Variants in RGR observed in about 807,000 individuals in gnomAD.
RGR encodes retinal G protein coupled receptor.
RGR carries 30 observed loss-of-function variants against 28.6 expected under a neutral mutation model. The observed-to-expected ratio is 1.05, with a 90% CI of 0.78 to 1.42. The LOEUF is 1.42. Ranked by LOEUF, RGR falls within the 40% of genes most tolerant of loss-of-function variation. RGR has a pLI of 0.00. For synonymous variants in RGR, 180 were observed against 156.4 expected (o/e 1.15, Z -1.13); for missense variants, 404 against 375.6 (o/e 1.08, Z -0.62).
At chr10:84,251,124 A>G (rs1202339477) in intron 3 of RGR, among the ~76,000 whole-genome samples, 1 of 151,978 alleles carries the variant, frequency 6.6e-6, no homozygotes, top group Admixed American at 6.6e-5. Flanking sequence ...AATCCCAGCT[A>G]CTTGAGAGGC....
At chr10:84,247,860 G>C in intron 2 of RGR, 113 bp downstream of exon 2, 1 of 1,495,016 alleles carries the variant, frequency 6.7e-7, no homozygotes, top group Non-Finnish European at 9.2e-7. Flanking sequence ...AATTGGCCAA[G>C]GGCAGAGGGT....
Position 84,258,558 on chromosome 10 carries a change from T to C in RGR, c.795T>C (p.Tyr265=), listed in dbSNP as rs888488266. Residue 265 remains tyrosine (Y), a synonymous_variant, in exon 7 of 7, where the codon TAT becomes TAC. Coordinates refer to ENST00000652092, the MANE Select transcript of RGR (RefSeq NM_001012720.2). ...TGCCCACGATCAATGCCATCAACTA[T>C]GCCCTGGGCAATGAGATGGTCTGCA... The part of the protein sequence containing the change: ...KMVPTINAIN[Y]ALGNEMVCRG... 5 of 1,614,164 alleles carry C rather than the reference T, an allele frequency of 3.1e-6. No homozygotes were observed. The highest frequency in any genetic ancestry group is 1.1e-5 in the South Asian group (1 of 91,084).
At position 84,259,376 on chromosome 10, in the gene RGR, T is replaced by A. The variant is rs532925891; in HGVS notation, c.*737T>A. ...AAGTGCAGGTTTCTTTTTGATATAC[T>A]GATTTCTTTTCCTTTGGGTAGATAC... On this transcript the variant is annotated 3_prime_UTR_variant, in exon 7 of 7. Coordinates refer to ENST00000652092, the MANE Select transcript of RGR (RefSeq NM_001012720.2). 2 of 152,552 alleles carry A rather than the reference T, an allele frequency of 1.3e-5. No homozygotes were observed. Among genetic ancestry groups the A allele is most frequent in the Non-Finnish European group, 2.9e-5 (2 of 68,294 alleles). The allele number at this position is 152,552 out of a possible 1,614,324, so 9.4% of individuals were successfully genotyped here.
rs752236209 is a variant in RGR at position 84,254,389 on chromosome 10, G to T, written c.576G>T (p.Thr192=). ...ACTTCGCCATGCCCCTCTTCATCACGATCACTTCCTACAGTCTCATGGAGC... is the reference window on the plus strand; with the variant it reads ...ACTTCGCCATGCCCCTCTTCATCACTATCACTTCCTACAGTCTCATGGAGC... ...FFNFAMPLFI[T]ITSYSLMEQK... The change falls in exon 5 of 7, where the codon ACG becomes ACT. Residue 192 remains threonine, a synonymous_variant. Transcript: ENST00000652092. 8 of 1,613,892 alleles carry T rather than the reference G, an allele frequency of 5.0e-6. No individual in the cohort carries two copies. The African/African-American group carries it at 1.1e-4, about 22-fold the overall frequency.
intron 5 of RGR, among the ~76,000 whole-genome samples, chr10:84,256,592 C>T (rs565986131): frequency 6.6e-6 from 1 of 152,170 alleles, no homozygotes; most frequent in South Asian, 2.1e-4. Context: ...TAGCTGGAGC[C>T]CCGATGCTCC....
chr10:84,258,583 A>G lies in RGR; in HGVS notation c.820A>G (p.Arg274Gly), dbSNP rs755069355. The change falls in exon 7 of 7, where the codon AGG becomes GGG. Residue 274 changes from arginine (R) to glycine (G), a missense_variant. By Grantham distance (125) the Arg-to-Gly change is moderately radical. Transcript: ENST00000652092. ...NYALGNEMVC[R>G]GIWQCLSPQK... ...TGCCCTGGGCAATGAGATGGTCTGC[A>G]GGGGAATCTGGCAGTGCCTCTCACC... is the stretch of plus-strand genomic sequence containing the variant. The G allele has an allele frequency of 1.9e-6, 3 of 1,614,198 alleles. No homozygotes were observed. Among genetic ancestry groups the G allele is most frequent in the Non-Finnish European group, 2.5e-6 (3 of 1,180,030 alleles).
Position 84,254,194 on chromosome 10 carries a change from A to C in RGR, c.513-132A>C, listed in dbSNP as rs539189340. 10 of 815,922 alleles carry C rather than the reference A, an allele frequency of 1.2e-5. No individual in the cohort carries two copies. In the East Asian group the frequency reaches 2.5e-4, roughly 20 times the overall value. 50.5% of individuals were successfully genotyped at this position (815,922 alleles called of 1,614,324 possible). A position where few individuals can be genotyped will look rare whatever the true frequency, so the allele number is the denominator to read the frequency against. On this transcript the variant is annotated intron_variant, in intron 4 of 6. Coordinates refer to ENST00000652092, the MANE Select transcript of RGR (RefSeq NM_001012720.2). ...GGGAGTTCACCTGGGACCCGGGAGC[A>C]ACCACACTGCGAGCTTGTCTGAATG...
intron 5 of RGR, among the ~76,000 whole-genome samples, chr10:84,256,544 T>G (rs1842890310): frequency 1.3e-5 from 2 of 152,254 alleles, no homozygotes; most frequent in South Asian, 4.1e-4. Flanking sequence ...ACTTTATTTA[T>G]TTATTGTAAA....
intron 1 of RGR, among the ~76,000 whole-genome samples, chr10:84,247,174 C>G (rs918902226): frequency 1.3e-5 from 2 of 152,172 alleles, no homozygotes; most frequent in Non-Finnish European, 2.9e-5. Context: ...GCTCTAACAT[C>G]GACTCTTCTC....
rs1482813443 is a variant in RGR at position 84,252,985 on chromosome 10, A to G, written c.487A>G (p.Thr163Ala). 1 of 1,613,736 alleles carries G rather than the reference A, an allele frequency of 6.2e-7. No homozygotes were observed. Among genetic ancestry groups the G allele is most frequent in the South Asian group, 1.1e-5 (1 of 91,064 alleles). ...YDYEPLGTCC[T>A]LDYSKGDRNF... ...CTATGAGCCACTGGGGACATGCTGC[A>G]CCCTGGACTACTCCAAGGGGGACAG... The change falls in exon 4 of 7, where the codon ACC becomes GCC. Residue 163 changes from threonine (T) to alanine (A), a missense_variant. Coordinates refer to ENST00000652092, the MANE Select transcript of RGR (RefSeq NM_001012720.2).
intron 1 of RGR, 78 bp from the exon 2 acceptor site, chr10:84,247,513 C>T: frequency 2.6e-6 from 4 of 1,537,992 alleles, no homozygotes; most frequent in Non-Finnish European, 3.6e-6. Flanking sequence ...TGCTGATGTT[C>T]CATCCACCCC....
At position 84,259,044 on chromosome 10, in the gene RGR, C is replaced by T. The variant is rs1263405307; in HGVS notation, c.*405C>T. On this transcript the variant is annotated 3_prime_UTR_variant, in exon 7 of 7. Transcript: ENST00000652092. ...CACCCCCTCCCACCTTGTCACCCTT[C>T]TGAGTCTCCAATGTCTATTATTCCA... is the stretch of plus-strand genomic sequence containing the variant. The T allele has an allele frequency of 3.4e-6, 1 of 290,374 alleles. No individual in the cohort carries two copies. The allele number at this position is 290,374 out of a possible 1,614,324, so 18.0% of individuals were successfully genotyped here.
chr10:84,249,683 T>G (rs1842791596), intron 3 of RGR, among the ~76,000 whole-genome samples: 2 of 152,172 alleles, frequency 1.3e-5, no homozygotes, highest in African/African-American at 2.4e-5. Flanking sequence ...AAAATGCCCT[T>G]GCAGACAGGC....
chr10:84,245,245 C>A, intron 1 of RGR, 76 bp downstream of exon 1: 1 of 1,478,838 alleles, frequency 6.8e-7, no homozygotes. Flanking sequence ...GTGGAGCTGG[C>A]AAGGAGAGGA....
intron 3 of RGR, among the ~76,000 whole-genome samples, chr10:84,252,511 G>C (rs1842831047): frequency 6.6e-6 from 1 of 152,170 alleles, no homozygotes. Flanking sequence ...AATCCTCTGA[G>C]GCAAGGATTA....
chr10:84,256,350 G>T (rs1842887407), intron 5 of RGR, among the ~76,000 whole-genome samples: 1 of 151,920 alleles, frequency 6.6e-6, no homozygotes, highest in Non-Finnish European at 1.5e-5. Flanking sequence ...TATCGTGCCG[G>T]CCAGAAGGAG....
At chr10:84,251,477 T>C (rs926678370) in intron 3 of RGR, among the ~76,000 whole-genome samples, 2 of 152,230 alleles carry the variant, frequency 1.3e-5, no homozygotes, top group African/African-American at 4.8e-5. Context: ...GGCTTGATTC[T>C]TGGTTTATAG....
At chr10:84,246,893 T>G (rs563025965) in intron 1 of RGR, among the ~76,000 whole-genome samples, 2 of 152,250 alleles carry the variant, frequency 1.3e-5, no homozygotes, top group Non-Finnish European at 2.9e-5. Context: ...AGGAGTAAGG[T>G]GGTATCTCAT....
In RGR at chr10:84,254,447, A is replaced by G. The variant is rs760236021; in HGVS notation, c.630+4A>G. 6.2e-7 allele frequency: 1 copy of G among 1,610,740 alleles called. No individual in the cohort carries two copies. Among genetic ancestry groups the G allele is most frequent in the African/African-American group, 1.3e-5 (1 of 74,854 alleles). On this transcript the variant is annotated splice_donor_region_variant and intron_variant, in intron 5 of 6. Coordinates refer to ENST00000652092, the MANE Select transcript of RGR (RefSeq NM_001012720.2). ...GGGGAAGAGTGGCCATCTCCAGGTA[A>G]GGACCCCCTTCCGGAGTGTTATCTG...
Sources: allele counts gnomAD v4.1 joint callset (sites outside exome capture counted in the v4.1 genomes callset), GRCh38; gene constraint gnomAD v4.1.1; transcripts MANE v1.5; gene names NCBI Gene and HGNC (gene_info 2026-07-23, HGNC 2026-07-21).